Variants in ZCCHC2 observed in about 807,000 individuals in gnomAD.
ZCCHC2 encodes the protein zinc finger CCHC-type containing 2, also known as zinc finger CCHC domain-containing protein 2.
In ZCCHC2, 39 loss-of-function variants were observed where a neutral mutation model predicts 103.6. That is an observed-to-expected ratio of 0.38 (90% CI 0.29 to 0.49). The LOEUF is 0.49. ZCCHC2 is among the 20% of genes least tolerant of loss of function. The pLI, the probability that ZCCHC2 is intolerant of heterozygous loss-of-function variation, is 0.96. For missense variants in ZCCHC2, 1,483 were observed against 1,491.0 expected (o/e 0.99, Z 0.09); for synonymous variants, 687 against 608.9 (o/e 1.13, Z -1.89).
intron 1 of ZCCHC2, 52 bp from the exon 2 acceptor site, chr18:62,539,629 A>G (rs2043230695): frequency 6.8e-7 from 1 of 1,465,614 alleles, no homozygotes; most frequent in African/African-American, 1.4e-5. Context: ...ATCTGTGATT[A>G]TTACTCTTAG....
intron 1 of ZCCHC2, among the ~76,000 whole-genome samples, chr18:62,535,083 G>GACGGC (rs1914862440): frequency 6.6e-6 from 1 of 152,202 alleles, no homozygotes; most frequent in African/African-American, 2.4e-5. Flanking sequence ...CATCCTTCCT[G>GACGGC]ACGACCCCTT....
intron 4 of ZCCHC2, among the ~76,000 whole-genome samples, chr18:62,548,596 A>G (rs1027091772): frequency 6.6e-6 from 1 of 152,202 alleles, no homozygotes; most frequent in Non-Finnish European, 1.5e-5. Context: ...GCTAATATCA[A>G]AATATAAATA....
At chr18:62,524,443 C>G (rs1024753140) in intron 1 of ZCCHC2, 80 bp downstream of exon 1, 6 of 1,408,846 alleles carry the variant, frequency 4.3e-6, no homozygotes, top group Admixed American at 3.2e-5. Context: ...TCGGACGCCC[C>G]TTGCCCGAGC....
downstream of ZCCHC2, among the ~76,000 whole-genome samples, chr18:62,578,921 T>A (rs4941144): frequency 2.6e-5 from 4 of 151,910 alleles, no homozygotes; most frequent in South Asian, 2.1e-4. Context: ...GTATGTACCA[T>A]GACACCCAGC....
intron 4 of ZCCHC2, among the ~76,000 whole-genome samples, chr18:62,546,555 A>G (rs1407178195): frequency 1.3e-5 from 2 of 152,106 alleles, no homozygotes; most frequent in African/African-American, 4.8e-5. Flanking sequence ...AGGAGTACAG[A>G]GCTGAGGCTG....
chr18:62,523,321 A>T lies in ZCCHC2; in HGVS notation c.-104A>T. On this transcript the variant is annotated 5_prime_UTR_variant, in exon 1 of 14. Coordinates refer to ENST00000269499, the MANE Select transcript of ZCCHC2 (RefSeq NM_017742.6). ...CCCCGGCCCTCCCCCGGCGGCATGGAGGGGCCCCGCTCCTGACGGCCGCGC... is the reference window on the plus strand; with the variant it reads ...CCCCGGCCCTCCCCCGGCGGCATGGTGGGGCCCCGCTCCTGACGGCCGCGC... 11 of 698,876 alleles carry T rather than the reference A, an allele frequency of 1.6e-5. No homozygotes were observed. The highest frequency in any genetic ancestry group is 1.9e-5 in the Non-Finnish European group (11 of 576,654). 43.3% of individuals were successfully genotyped at this position (698,876 alleles called of 1,614,324 possible). A position where few individuals can be genotyped will look rare whatever the true frequency, so the allele number is the denominator to read the frequency against.
At chr18:62,530,148 A>G (rs898723513) in intron 1 of ZCCHC2, among the ~76,000 whole-genome samples, 5 of 152,188 alleles carry the variant, frequency 3.3e-5, no homozygotes, top group African/African-American at 1.2e-4. Context: ...CTATACATAC[A>G]TGTTGCCTTA....
At chr18:62,537,647 T>G (rs1418865991) in intron 1 of ZCCHC2, among the ~76,000 whole-genome samples, 1 of 152,250 alleles carries the variant, frequency 6.6e-6, no homozygotes, top group Non-Finnish European at 1.5e-5. Flanking sequence ...CATAGGTAAT[T>G]GGATGTGTAC....
chr18:62,535,779 G>A (rs1023528869), intron 1 of ZCCHC2, among the ~76,000 whole-genome samples: 4 of 152,328 alleles, frequency 2.6e-5, no homozygotes, highest in Admixed American at 6.5e-5. Flanking sequence ...TTTTCAGCGG[G>A]AGGAATATTA....
At chr18:62,533,139 C>T (rs975197210) in intron 1 of ZCCHC2, among the ~76,000 whole-genome samples, 4 of 152,184 alleles carry the variant, frequency 2.6e-5, no homozygotes, top group East Asian at 1.9e-4. Context: ...CCCAAAGGCT[C>T]GGGCATTGTG....
chr18:62,526,674 C>T (rs1201476374), intron 1 of ZCCHC2, among the ~76,000 whole-genome samples: 1 of 152,144 alleles, frequency 6.6e-6, no homozygotes, highest in Admixed American at 6.5e-5. Context: ...CAGGGATGAG[C>T]CCAAAGCTCG....
chr18:62,575,210 C>T lies in ZCCHC2; in HGVS notation c.3129C>T (p.Tyr1043=). 1 of 1,614,006 alleles carries T rather than the reference C, an allele frequency of 6.2e-7. No individual in the cohort carries two copies. The highest frequency in any genetic ancestry group is 8.5e-7 in the Non-Finnish European group (1 of 1,179,894). ...YYPNPMPGPM[Y]RVPSFFTLPS... ...CTAATCCAATGCCTGGACCAATGTA[C>T]CGAGTCCCTTCATTCTTTACTCTGC... Residue 1043 remains tyrosine, a synonymous_variant, in exon 13 of 14, where the codon TAC becomes TAT. Coordinates refer to ENST00000269499, the MANE Select transcript of ZCCHC2 (RefSeq NM_017742.6).
At chr18:62,564,458 A>G (rs749198896) in intron 9 of ZCCHC2, 113 bp from the exon 10 acceptor site, 3 of 748,058 alleles carry the variant, frequency 4.0e-6, no homozygotes, top group Non-Finnish European at 6.1e-6. Flanking sequence ...TTGGAAATCA[A>G]CACTTGTTAG....
At position 62,574,738 on chromosome 18, in the gene ZCCHC2, A is replaced by T. The variant is rs1301157599; in HGVS notation, c.2657A>T (p.Glu886Val). Residue 886 changes from glutamate to valine, a missense_variant, in exon 13 of 14, where the codon GAG (glutamate) becomes GTG (valine). Transcript: ENST00000269499. Reference sequence around the variant, plus strand: ...CTCAATCAAATGGTGCCTCAAATTGAGGGAAACACAGGGACAGTCCCTCAG... The same window carrying T: ...CTCAATCAAATGGTGCCTCAAATTGTGGGAAACACAGGGACAGTCCCTCAG... ...VGLNQMVPQI[E>V]GNTGTVPQPT... is the part of the protein sequence containing the mutation. The T allele has an allele frequency of 6.8e-6, 11 of 1,613,986 alleles. No individual in the cohort carries two copies. Among genetic ancestry groups the T allele is most frequent in the Non-Finnish European group, 9.3e-6 (11 of 1,179,874 alleles).
chr18:62,539,883 T>C lies in ZCCHC2; in HGVS notation c.1051+91T>C, dbSNP rs561161963. Reference sequence around the variant, plus strand: ...CTGATTAACTCTAAACTTTTTACTCTCCTTTTTGAAGTGGAGAAGTCCTAC... The same window carrying C: ...CTGATTAACTCTAAACTTTTTACTCCCCTTTTTGAAGTGGAGAAGTCCTAC... On this transcript the variant is annotated intron_variant, in intron 2 of 13. Transcript: ENST00000269499. 56 of 1,066,814 alleles carry C rather than the reference T, an allele frequency of 5.2e-5. No individual in the cohort carries two copies. In the East Asian group the frequency reaches 7.9e-4, roughly 15 times the overall value. The allele number at this position is 1,066,814 out of a possible 1,614,324, so 66.1% of individuals were successfully genotyped here.
At chr18:62,551,854 TTAAG>T (rs1248082818) in intron 5 of ZCCHC2, 4 of 152,444 alleles carry the variant, frequency 2.6e-5, no homozygotes, top group Admixed American at 2.0e-4. Context: ...GGGTCAGGGC[TTAAG>T]TAAGACAGCC....
In ZCCHC2 at chr18:62,575,308, C is replaced by A. The variant is rs903560531; in HGVS notation, c.3227C>A (p.Pro1076His). The A allele has an allele frequency of 6.2e-7, 1 of 1,613,814 alleles. No individual in the cohort carries two copies. Among genetic ancestry groups the A allele is most frequent in the African/African-American group, 1.3e-5 (1 of 74,924 alleles). Residue 1076 changes from proline to histidine, a missense_variant, in exon 13 of 14, where the codon CCT (proline) becomes CAT (histidine). By Grantham distance (77) the Pro-to-His change is moderately conservative. Transcript: ENST00000269499. ...GGAAACCAACTTCCTTTTTTTCTGC[C>A]TCAGACTCCATATGCAAATGGACTG... ...SNGNQLPFFLPQTPYANGLVH... is the reference protein window; with the variant it reads ...SNGNQLPFFLHQTPYANGLVH...
intron 5 of ZCCHC2, among the ~76,000 whole-genome samples, chr18:62,555,632 A>G (rs1289510014): frequency 2.0e-5 from 3 of 152,146 alleles, no homozygotes; most frequent in Non-Finnish European, 4.4e-5. Context: ...GACATGGTGA[A>G]ACCCCGTCTC....
At chr18:62,582,058 TAAAAG>T (rs2121911989), downstream of ZCCHC2, among the ~76,000 whole-genome samples, 1 of 152,364 alleles carries the variant, frequency 6.6e-6, no homozygotes, top group East Asian at 1.9e-4. Flanking sequence ...GGGAAAATTA[TAAAAG>T]AGTTTCAAGA....
Sources: allele counts gnomAD v4.1 joint callset (sites outside exome capture counted in the v4.1 genomes callset), GRCh38; gene constraint gnomAD v4.1.1; transcripts MANE v1.5; gene names NCBI Gene and HGNC (gene_info 2026-07-23, HGNC 2026-07-21).